The following LRFN5 variants were observed in gnomAD, a reference collection of about 807,000 sequenced individuals.
LRFN5 encodes the protein leucine-rich repeat and fibronectin type-III domain-containing protein 5.
A neutral mutation model predicts 45.6 loss-of-function variants in LRFN5; 24 were observed. The observed-to-expected ratio is 0.53, with a 90% CI of 0.38 to 0.74. The LOEUF (loss-of-function observed/expected upper bound fraction) is 0.74, where lower values mean the gene tolerates loss of function less well. Among genes scored for constraint, LRFN5 ranks in the 30% least tolerant of loss-of-function variants. LRFN5 has a pLI of 0.00. For missense variants in LRFN5, 776 were observed against 861.5 expected (o/e 0.90, Z 1.24); for synonymous variants, 340 against 313.8 (o/e 1.08, Z -0.88).
chr14:41,750,764 G>A (rs1412940161), intron 1 of LRFN5, among the ~76,000 whole-genome samples: 7 of 152,106 alleles, frequency 4.6e-5, no homozygotes, highest in African/African-American at 1.7e-4. Context: ...AGGCAAAGGG[G>A]AAGCAGGCAC....
intron 2 of LRFN5, among the ~76,000 whole-genome samples, chr14:41,832,650 C>A (rs989224682): frequency 2.6e-5 from 4 of 152,068 alleles, no homozygotes; most frequent in African/African-American, 9.7e-5. Context: ...ACCTTATATT[C>A]GCTATGGGTT....
intron 2 of LRFN5, among the ~76,000 whole-genome samples, chr14:41,790,774 T>TTTA (rs10665394): frequency 0.74 from 111,442 of 150,938 alleles, 41,446 homozygotes; most frequent in East Asian, 0.93. Flanking sequence ...AACCATGGTC[T>TTTA]TTATTCCAGA....
chr14:41,621,846 T>C (rs991121368), intron 1 of LRFN5, among the ~76,000 whole-genome samples: 1 of 152,032 alleles, frequency 6.6e-6, no homozygotes, highest in African/African-American at 2.4e-5. Flanking sequence ...CTTTCTCAGA[T>C]TTGGAGGGGT....
At chr14:41,803,751 G>A (rs1382025829) in intron 2 of LRFN5, among the ~76,000 whole-genome samples, 2 of 152,058 alleles carry the variant, frequency 1.3e-5, no homozygotes, top group Non-Finnish European at 2.9e-5. Context: ...CTCCCTACTG[G>A]ATTCTTCTTG....
intron 1 of LRFN5, among the ~76,000 whole-genome samples, chr14:41,633,694 A>T (rs1165546375): frequency 3.3e-5 from 5 of 152,188 alleles, no homozygotes; most frequent in Non-Finnish European, 7.3e-5. Flanking sequence ...TTACATTTTT[A>T]AAAACATCAA....
At chr14:41,758,096 T>C (rs1424803437) in intron 1 of LRFN5, among the ~76,000 whole-genome samples, 1 of 152,218 alleles carries the variant, frequency 6.6e-6, no homozygotes, top group Non-Finnish European at 1.5e-5. Context: ...CTTCTCTTTA[T>C]CATATCTCTT....
At chr14:41,817,743 T>C (rs1000885856) in intron 2 of LRFN5, among the ~76,000 whole-genome samples, 3 of 152,174 alleles carry the variant, frequency 2.0e-5, no homozygotes, top group Admixed American at 6.6e-5. Context: ...GTGTTTACTA[T>C]GAGAACCTAG....
chr14:41,821,464 A>G (rs1010738036), intron 2 of LRFN5, among the ~76,000 whole-genome samples: 1 of 151,988 alleles, frequency 6.6e-6, no homozygotes. Flanking sequence ...ATATTGAATT[A>G]TCCTGCAATA....
At chr14:41,610,782 T>G (rs1887729894) in intron 1 of LRFN5, among the ~76,000 whole-genome samples, 1 of 151,818 alleles carries the variant, frequency 6.6e-6, no homozygotes, top group Non-Finnish European at 1.5e-5. Context: ...CTCTCTTTTT[T>G]TTTGTCTTTT....
chr14:41,864,828 C>A (rs912209590), intron 2 of LRFN5, among the ~76,000 whole-genome samples: 51 of 151,750 alleles, frequency 3.4e-4, no homozygotes, highest in African/African-American at 1.2e-3. Context: ...TTATTTTTCC[C>A]TTGGGATAAT....
At chr14:41,722,671 G>T (rs1355850309) in intron 1 of LRFN5, among the ~76,000 whole-genome samples, 3 of 151,216 alleles carry the variant, frequency 2.0e-5, no homozygotes, top group African/African-American at 4.9e-5. Context: ...ATAGCCCTAT[G>T]CATTTCAGCA....
chr14:41,757,867 C>T (rs895391687), intron 1 of LRFN5, among the ~76,000 whole-genome samples: 5 of 152,158 alleles, frequency 3.3e-5, no homozygotes, highest in African/African-American at 1.2e-4. Context: ...GAGCTGTAGA[C>T]TGGACCTGTT....
chr14:41,893,684 T>C (rs1387891937), intron 4 of LRFN5: 20 of 985,192 alleles, frequency 2.0e-5, no homozygotes, highest in Non-Finnish European at 2.4e-5. Flanking sequence ...TGATACACAA[T>C]GTATCATGAT....
At chr14:41,624,425 T>C (rs1888251342) in intron 1 of LRFN5, among the ~76,000 whole-genome samples, 2 of 152,088 alleles carry the variant, frequency 1.3e-5, no homozygotes, top group Admixed American at 1.3e-4. Flanking sequence ...AAATAATTCT[T>C]TGGAGAAGAG....
chr14:41,717,734 A>G (rs1486102941), intron 1 of LRFN5, among the ~76,000 whole-genome samples: 1 of 152,202 alleles, frequency 6.6e-6, no homozygotes, highest in East Asian at 1.9e-4. Context: ...GACATTTTAC[A>G]TACTGTATAA....
intron 2 of LRFN5, among the ~76,000 whole-genome samples, chr14:41,884,433 G>A (rs1466158691): frequency 1.3e-5 from 2 of 152,036 alleles, no homozygotes; most frequent in African/African-American, 4.8e-5. Context: ...CATCAAATAG[G>A]TGTTGTGCTG....
At chr14:41,886,486 A>G in intron 2 of LRFN5, 120 bp from the exon 3 acceptor site, 1 of 688,006 alleles carries the variant, frequency 1.5e-6, no homozygotes, top group East Asian at 2.9e-5. Flanking sequence ...AATACTTGTT[A>G]AGCAAACAAG....
chr14:41,730,105 T>C (rs1047049408), intron 1 of LRFN5, among the ~76,000 whole-genome samples: 1 of 152,054 alleles, frequency 6.6e-6, no homozygotes, highest in African/African-American at 2.4e-5. Context: ...GTTTTTCTGT[T>C]CATAAATAAA....
At chr14:41,816,567 TTC>T (rs1887926044) in intron 2 of LRFN5, among the ~76,000 whole-genome samples, 1 of 152,098 alleles carries the variant, frequency 6.6e-6, no homozygotes, top group Non-Finnish European at 1.5e-5. Flanking sequence ...CTATGTTTTT[TTC>T]TTTCTCTGTC....
Sources: gnomAD v4.1 joint callset for allele counts (sites outside exome capture counted in the v4.1 genomes callset) on GRCh38, gnomAD v4.1.1 for gene constraint, MANE v1.5 for transcripts, NCBI Gene and HGNC (gene_info 2026-07-23, HGNC 2026-07-21) for gene names.